PRR5: variants seen among roughly 807,000 people sequenced by gnomAD.
PRR5 encodes the protein proline rich 5.
PRR5 carries 25 observed loss-of-function variants against 30.6 expected under a neutral mutation model. The ratio of observed to expected loss-of-function variants is 0.82; its 90% CI spans 0.60 to 1.14. The LOEUF is 1.14. Among genes scored for constraint, PRR5 ranks in the 50% most tolerant of loss-of-function variants. The pLI is 0.00. For missense variants in PRR5, 600 were observed against 547.1 expected (o/e 1.10, Z -0.96); for synonymous variants, 286 against 247.1 (o/e 1.16, Z -1.48).
intron 2 of PRR5, among the ~76,000 whole-genome samples, chr22:44,724,683 G>A (rs1048775479): frequency 1.3e-5 from 2 of 152,146 alleles, no homozygotes; most frequent in African/African-American, 4.8e-5. Flanking sequence ...CTCAGCTCTG[G>A]CGTGTCCCAT....
chr22:44,674,486 G>A (rs1161503265), upstream of PRR5, among the ~76,000 whole-genome samples: 1 of 152,066 alleles, frequency 6.6e-6, no homozygotes, highest in East Asian at 1.9e-4. Context: ...ACTTTGGGAG[G>A]CTGAGGCGGG....
rs576042043 is a variant in PRR5, at chr22:44,732,225, TG to T, written c.415-22del. ...TGAGGACGCATGTGACCACAGCCGG[TG>T]GGGTGGGGTGCCTTCCGTCCACAGG... On this transcript the variant is annotated intron_variant, in intron 5 of 7. Transcript: ENST00000336985. 627 of 1,607,132 alleles carry T rather than the reference TG, an allele frequency of 3.9e-4. 3 individuals carry two copies. Among genetic ancestry groups the T allele is most frequent in the Non-Finnish European group, 1.6e-4 (189 of 1,177,648 alleles).
At chr22:44,706,840 G>A (rs1356897095) in intron 1 of PRR5, among the ~76,000 whole-genome samples, 1 of 141,876 alleles carries the variant, frequency 7.0e-6, no homozygotes, top group East Asian at 2.6e-4. Flanking sequence ...GGGAATGTTT[G>A]TAAGGGAGCT....
chr22:44,674,009 C>T (rs896028829), upstream of PRR5, among the ~76,000 whole-genome samples: 13 of 152,146 alleles, frequency 8.5e-5, no homozygotes, highest in Middle Eastern at 3.2e-3. Context: ...GTCTGGAGAA[C>T]GGGCTCTGAT....
At chr22:44,732,202 A>G in intron 5 of PRR5, 49 bp from the exon 6 acceptor site, 1 of 1,595,228 alleles carries the variant, frequency 6.3e-7, no homozygotes, top group African/African-American at 1.4e-5. Flanking sequence ...AGGGGAGATG[A>G]GGACGCATGT....
chr22:44,706,286 C>T (rs1185000963), intron 1 of PRR5, among the ~76,000 whole-genome samples: 1 of 152,178 alleles, frequency 6.6e-6, no homozygotes, highest in Non-Finnish European at 1.5e-5. Context: ...TTCGTTTATT[C>T]ATTCATTCAT....
At chr22:44,726,834 C>A (rs1275567130) in intron 4 of PRR5, among the ~76,000 whole-genome samples, 200 bp downstream of exon 4, 2 of 152,138 alleles carry the variant, frequency 1.3e-5, no homozygotes, top group African/African-American at 4.8e-5. Flanking sequence ...GGTCTGCCCC[C>A]CGAACTTGCT....
intron 2 of PRR5, among the ~76,000 whole-genome samples, chr22:44,718,054 C>T (rs1186400087): frequency 2.6e-5 from 4 of 152,120 alleles, no homozygotes; most frequent in African/African-American, 7.2e-5. Context: ...CATATTCTAT[C>T]GTGTGTATGG....
Position 44,702,541 on chromosome 22 carries a change from C to T in PRR5, c.67C>T (p.Pro23Ser). Residue 23 changes from proline to serine, a missense_variant, in exon 1 of 8, where the codon CCG becomes TCG. Physicochemically the swap from Pro to Ser is moderately conservative, Grantham distance 74 (BLOSUM62 -1). Coordinates refer to ENST00000336985, the MANE Select transcript of PRR5 (RefSeq NM_181333.4). Reference sequence around the variant, plus strand: ...CCTCAGTGACCTGGGCAAGAGAGAGCCGGCCGCCGCCGCGGACGAGCGGGG... The same window carrying T: ...CCTCAGTGACCTGGGCAAGAGAGAGTCGGCCGCCGCCGCGGACGAGCGGGG... ...PSLSDLGKRE[P>S]AAAADERGTQ... 7.6e-6 allele frequency: 11 copies of T among 1,448,764 alleles called. No homozygotes were observed. Among genetic ancestry groups the T allele is most frequent in the East Asian group, 3.0e-5 (1 of 33,022 alleles). The allele number at this position is 1,448,764 out of a possible 1,614,324, so 89.7% of individuals were successfully genotyped here.
Position 44,702,265 on chromosome 22 carries a change from C to T in PRR5, c.-210C>T. On this transcript the variant is annotated 5_prime_UTR_variant, in exon 1 of 8. Coordinates refer to ENST00000336985, the MANE Select transcript of PRR5 (RefSeq NM_181333.4). ...CCTGGCGCTCCACGCTGAGCCTCTCCGTGCAATGATTAACCCGGCGGGGCG... is the reference window on the plus strand; with the variant it reads ...CCTGGCGCTCCACGCTGAGCCTCTCTGTGCAATGATTAACCCGGCGGGGCG... 1 of 1,140,846 alleles carries T rather than the reference C, an allele frequency of 8.8e-7. No individual in the cohort carries two copies. 70.7% of individuals were successfully genotyped at this position (1,140,846 alleles called of 1,614,324 possible).
At chr22:44,734,816 G>A (rs976241558) in intron 6 of PRR5, 7 of 651,002 alleles carry the variant, frequency 1.1e-5, no homozygotes, top group South Asian at 2.0e-5. Context: ...AGATCCCGAC[G>A]CTGCTGTGAG....
chr22:44,703,538 T>C (rs1926707493), intron 1 of PRR5, among the ~76,000 whole-genome samples: 1 of 152,158 alleles, frequency 6.6e-6, no homozygotes, highest in Non-Finnish European at 1.5e-5. Context: ...GAGACCCTCT[T>C]CAAACGTGGT....
chr22:44,676,821 T>G (rs1923806078), upstream of PRR5: 2 of 152,312 alleles, frequency 1.3e-5, no homozygotes, highest in Admixed American at 1.3e-4. Flanking sequence ...GAAGGGGTGC[T>G]CTGTGGGCTT....
At chr22:44,680,804 A>G (rs1255955905) in intron 1 of PRR5, among the ~76,000 whole-genome samples, 2 of 152,202 alleles carry the variant, frequency 1.3e-5, no homozygotes, top group African/African-American at 4.8e-5. Context: ...AGAGTCCCCA[A>G]GAACTCAAGG....
In PRR5 at chr22:44,702,423, CAGGGCGCGGCGT is replaced by C. The variant is rs2147003894; in HGVS notation, c.-51_-40del. 7.9e-7 allele frequency: 1 copy of C among 1,258,584 alleles called. No homozygotes were observed. Among genetic ancestry groups the C allele is most frequent in the African/African-American group, 1.6e-5 (1 of 63,550 alleles). The allele number at this position is 1,258,584 out of a possible 1,614,324, so 78.0% of individuals were successfully genotyped here. ...CCGGGGCCCTTGGTGCGGCGTGGCGCAGGGCGCGGCGTGGGGCGCGCGTGGGCGCGGCGCAGG... is the reference window on the plus strand; with the variant it reads ...CCGGGGCCCTTGGTGCGGCGTGGCGCGGGGCGCGCGTGGGCGCGGCGCAGG... On this transcript the variant is annotated 5_prime_UTR_variant, in exon 1 of 8. Coordinates refer to ENST00000336985, the MANE Select transcript of PRR5 (RefSeq NM_181333.4).
At chr22:44,726,367 G>A (rs866345178) in intron 3 of PRR5, among the ~76,000 whole-genome samples, 50 of 152,232 alleles carry the variant, frequency 3.3e-4, no homozygotes, top group African/African-American at 1.1e-3. Context: ...ACCACCTCCT[G>A]TCTCGTGACA....
At position 44,684,429 on chromosome 22, in the gene PRR5, T is replaced by C. The variant is rs533587834; in HGVS notation, c.-11+7189T>C. Among the ~76,000 whole-genome samples the C allele has an allele frequency of 3.7e-4, 56 of 152,238 alleles. 2 individuals are homozygous for C. The South Asian group carries it at 0.011, about 31-fold the overall frequency. On this transcript the variant is annotated intron_variant, in intron 1 of 8. Transcript: ENST00000006251. ...GGCGTGGTGGCGGCAGCTGAGTAGT[T>C]CCAGCTACTCAGGAGGCTGAAGCAG...
chr22:44,683,941 C>T (rs1356756606), intron 1 of PRR5, among the ~76,000 whole-genome samples: 2 of 152,262 alleles, frequency 1.3e-5, no homozygotes, highest in Non-Finnish European at 2.9e-5. Context: ...TGTCAGAAGC[C>T]CTAGCCCAGG....
chr22:44,680,632 C>G (rs1766002535), intron 1 of PRR5, among the ~76,000 whole-genome samples: 1 of 152,206 alleles, frequency 6.6e-6, no homozygotes, highest in African/African-American at 2.4e-5. Flanking sequence ...GCTGCATCTT[C>G]CCATGCCTGC....
Sources: allele counts gnomAD v4.1 joint callset (sites outside exome capture counted in the v4.1 genomes callset), GRCh38; gene constraint gnomAD v4.1.1; transcripts MANE v1.5; gene names NCBI Gene and HGNC (gene_info 2026-07-23, HGNC 2026-07-21).